The following SCUBE1 variants were observed in gnomAD, a reference collection of about 807,000 sequenced individuals.
SCUBE1 encodes signal peptide, CUB and EGF-like domain-containing protein 1.
Under a neutral mutation model 124.4 loss-of-function variants are expected in SCUBE1, and 59 were observed. That is an observed-to-expected ratio of 0.47 (90% CI 0.38 to 0.59). The LOEUF (loss-of-function observed/expected upper bound fraction) is 0.59. Ranked by LOEUF, SCUBE1 falls within the 20% of genes least tolerant of loss-of-function variation. The pLI, the probability that SCUBE1 is intolerant of heterozygous loss-of-function variation, is 0.00. For synonymous variants in SCUBE1, 545 were observed against 550.9 expected (o/e 0.99, Z 0.15); for missense variants, 1,150 against 1,371.2 (o/e 0.84, Z 2.55).
rs1921699226 is a variant in SCUBE1 at position 43,214,099 on chromosome 22, C to G, written c.2044G>C (p.Glu682Gln). 7.2e-7 allele frequency: 1 copy of G among 1,395,458 alleles called. No individual in the cohort carries two copies. Among genetic ancestry groups the G allele is most frequent in the South Asian group, 1.1e-5 (1 of 87,104 alleles). The allele number at this position is 1,395,458 out of a possible 1,614,324, so 86.4% of individuals were successfully genotyped here. ...CTAGGCCCGCACTTGCCTCCACATTCCGACACGTTGCGGGCACCAGGCAGA... is the reference window on the plus strand; with the variant it reads ...CTAGGCCCGCACTTGCCTCCACATTGCGACACGTTGCGGGCACCAGGCAGA... ...LGLPGARNVS[E>Q]CGGQCSPGFF... Residue 682 changes from glutamate to glutamine, a missense_variant, in exon 16 of 22, where the codon GAA (glutamate) becomes CAA (glutamine). By Grantham distance (29) the Glu-to-Gln change is conservative. This residue lies in a region of SCUBE1 where 757 missense variants were observed against 840.9 expected (regional missense o/e 0.90). Coordinates refer to ENST00000360835, the MANE Select transcript of SCUBE1 (RefSeq NM_173050.5).
In SCUBE1 at chr22:43,327,156, G is replaced by A. The variant is rs560975261; in HGVS notation, c.221-7091C>T. Among the ~76,000 whole-genome samples, 11 of 152,208 alleles carry A rather than the reference G, an allele frequency of 7.2e-5. No homozygotes were observed. The South Asian group carries it at 2.3e-3, about 32-fold the overall frequency. On this transcript the variant is annotated intron_variant, in intron 2 of 21. Coordinates refer to ENST00000360835, the MANE Select transcript of SCUBE1 (RefSeq NM_173050.5). Reference sequence around the variant, plus strand: ...TCATGACATGTCAGGCAGTCTGCAGGCCCCACACACAGGACTGCCCTGAGA... The same window carrying A: ...TCATGACATGTCAGGCAGTCTGCAGACCCCACACACAGGACTGCCCTGAGA...
chr22:43,210,818 G>A lies in SCUBE1; in HGVS notation c.2383+104C>T, dbSNP rs1921514638. 4.6e-5 allele frequency: 63 copies of A among 1,367,374 alleles called. No individual in the cohort carries two copies. In the South Asian group the frequency reaches 8.1e-4, roughly 18 times the overall value. The allele number at this position is 1,367,374 out of a possible 1,614,324, so 84.7% of individuals were successfully genotyped here. ...GACGGGACGGAGCGGGAGGAGTCCAGTGTCCTCGTGGAGCTCGTGTGAGAT... is the reference window on the plus strand; with the variant it reads ...GACGGGACGGAGCGGGAGGAGTCCAATGTCCTCGTGGAGCTCGTGTGAGAT... On this transcript the variant is annotated intron_variant, in intron 18 of 21. Transcript: ENST00000360835. The surrounding 1 kb of genome is among the most constrained non-coding windows in gnomAD (Gnocchi z 4.5).
intron 4 of SCUBE1, chr22:43,276,095 T>G (rs1924503407): frequency 6.6e-6 from 1 of 152,540 alleles, no homozygotes; most frequent in Non-Finnish European, 1.5e-5. Context: ...ACCCCAGCGC[T>G]GGTGCCCCAC....
At chr22:43,239,461 C>T (rs1313328524) in intron 6 of SCUBE1, among the ~76,000 whole-genome samples, 1 of 152,294 alleles carries the variant, frequency 6.6e-6, no homozygotes, top group African/African-American at 2.4e-5. Context: ...ACACACCATC[C>T]ATCACCTTGA....
Position 43,233,822 on chromosome 22 carries a change from C to A in SCUBE1, c.845-1947G>T, listed in dbSNP as rs1264568805. On this transcript the variant is annotated intron_variant, in intron 7 of 21. Transcript: ENST00000360835. ...ATCCCCCAGTGATGACAAAACCAGG[C>A]TATTAGAGGTCAATTTCTGGTCAAG... is the stretch of plus-strand genomic sequence containing the variant. Among the ~76,000 whole-genome samples, 6 of 152,126 alleles carry A rather than the reference C, an allele frequency of 3.9e-5. No individual in the cohort carries two copies. The East Asian group carries it at 1.2e-3, about 29-fold the overall frequency.
chr22:43,339,668 T>C (rs13055042), intron 1 of SCUBE1, among the ~76,000 whole-genome samples: 36,383 of 56,852 alleles, frequency 0.64, 10,154 homozygotes, highest in African/African-American at 0.77. Context: ...CCCTCCCCCA[T>C]TCTCCTCACT....
chr22:43,256,755 G>A (rs1461409877), intron 6 of SCUBE1, among the ~76,000 whole-genome samples: 5 of 152,336 alleles, frequency 3.3e-5, no homozygotes, highest in African/African-American at 7.2e-5. Flanking sequence ...CAAACCCTGC[G>A]GAAGACCTTG....
Position 43,295,975 on chromosome 22 carries a change from C to T in SCUBE1, c.350-4795G>A, listed in dbSNP as rs192966983. ...CGGAGGTGTTCTGAAAGCAAAGGCT[C>T]ATGGAAGGGGCAGGGCAGGGCCCAG... On this transcript the variant is annotated intron_variant, in intron 3 of 21. Coordinates refer to ENST00000360835, the MANE Select transcript of SCUBE1 (RefSeq NM_173050.5). 1.5e-4 allele frequency among the ~76,000 whole-genome samples: 22 copies of T among 151,432 alleles called. 1 individual carries two copies. The East Asian group carries it at 3.7e-3, about 25-fold the overall frequency.
intron 3 of SCUBE1, among the ~76,000 whole-genome samples, chr22:43,299,649 G>C (rs141649519): frequency 4.6e-5 from 7 of 152,222 alleles, no homozygotes; most frequent in African/African-American, 1.7e-4. Flanking sequence ...AGAACTCATG[G>C]AGCACACAAT....
chr22:43,281,413 A>G lies in SCUBE1; in HGVS notation c.484+9633T>C, dbSNP rs1198702122. On this transcript the variant is annotated intron_variant, in intron 4 of 21. Transcript: ENST00000360835. ...CCTCAGCTATCCTGTCACCTCCCTC[A>G]GCCATCCTCCTGTCACCTCCCTTGG... Among the ~76,000 whole-genome samples, 2 of 60,006 alleles carry G rather than the reference A, an allele frequency of 3.3e-5. 1 individual carries two copies. The highest frequency in any genetic ancestry group is 5.3e-5 in the Non-Finnish European group (2 of 37,828). 39.4% of individuals were successfully genotyped at this position (60,006 alleles called of 152,430 possible).
intron 4 of SCUBE1, chr22:43,270,326 C>G (rs985581554): frequency 6.6e-6 from 1 of 152,236 alleles, no homozygotes; most frequent in East Asian, 1.9e-4. Flanking sequence ...CACTTCTGGT[C>G]CCAAGCATTT....
In SCUBE1 at chr22:43,203,229, G is replaced by A. The variant is rs1397663870; in HGVS notation, c.*768C>T. 1 of 152,156 alleles carries A rather than the reference G, an allele frequency of 6.6e-6. No individual in the cohort carries two copies. Among genetic ancestry groups the A allele is most frequent in the Non-Finnish European group, 1.5e-5 (1 of 68,058 alleles). 9.4% of individuals were successfully genotyped at this position (152,156 alleles called of 1,614,324 possible). On this transcript the variant is annotated 3_prime_UTR_variant, in exon 22 of 22. Coordinates refer to ENST00000360835, the MANE Select transcript of SCUBE1 (RefSeq NM_173050.5). The stretch of plus-strand genomic sequence containing the variant: ...ACAGAAGGGCAAATGCAAATGCTGG[G>A]AGGAGCTGTTTAATCGTTCAGGGAG...
intron 3 of SCUBE1, among the ~76,000 whole-genome samples, chr22:43,319,450 C>G (rs1054728053): frequency 1.3e-5 from 2 of 148,494 alleles, no homozygotes; most frequent in African/African-American, 5.0e-5. Flanking sequence ...GTAATCCCAG[C>G]TACTTGGGAG....
In SCUBE1 at chr22:43,238,881, G is replaced by A. The variant is rs747646259; in HGVS notation, c.801C>T (p.Cys267=). The A allele has an allele frequency of 6.2e-7, 1 of 1,613,240 alleles. No homozygotes were observed. The highest frequency in any genetic ancestry group is 2.2e-5 in the East Asian group (1 of 44,886). The part of the protein sequence containing the change: ...KDTATGVRCS[C]PVGFTLQPDG... ...CCGGCTGCAGTGTGAATCCAACGGGGCAGCTGCATCGCACGCCAGTGGCTG... is the reference window on the plus strand; with the variant it reads ...CCGGCTGCAGTGTGAATCCAACGGGACAGCTGCATCGCACGCCAGTGGCTG... Residue 267 remains cysteine, a synonymous_variant, in exon 7 of 22, where the codon TGC becomes TGT. Coordinates refer to ENST00000360835, the MANE Select transcript of SCUBE1 (RefSeq NM_173050.5).
intron 10 of SCUBE1, among the ~76,000 whole-genome samples, chr22:43,224,465 T>C (rs948304712): frequency 2.6e-5 from 4 of 152,206 alleles, no homozygotes; most frequent in Non-Finnish European, 5.9e-5. Context: ...ACTTGTCTTG[T>C]GTTTGATGGA....
intron 4 of SCUBE1, among the ~76,000 whole-genome samples, chr22:43,268,122 C>G (rs887044589): frequency 1.3e-5 from 2 of 152,230 alleles, no homozygotes; most frequent in African/African-American, 4.8e-5. Flanking sequence ...TCCACCGATG[C>G]CAGCCTGTGA....
intron 2 of SCUBE1, among the ~76,000 whole-genome samples, chr22:43,320,985 T>C (rs1461611692): frequency 6.6e-6 from 1 of 152,026 alleles, no homozygotes; most frequent in Non-Finnish European, 1.5e-5. Flanking sequence ...GTCTTCAGCA[T>C]CCCCCTGAGA....
At chr22:43,281,509 T>TCCTCAGCCACCCTCCTGTCACCTCCC (rs1924877861) in intron 4 of SCUBE1, among the ~76,000 whole-genome samples, 1 of 50,316 alleles carries the variant, frequency 2.0e-5, no homozygotes, top group Non-Finnish European at 3.3e-5. Flanking sequence ...TGTCACCTCC[T>TCCTCAGCCACCCTCCTGTCACCTCCC]CCTCAGCCAC....
At chr22:43,212,684 C>T (rs7284854) in intron 16 of SCUBE1, 92 bp from the exon 17 acceptor site, 46,567 of 1,195,532 alleles carry the variant, frequency 0.039, 1,044 homozygotes, top group Admixed American at 0.11. Context: ...GGCCCTTGCC[C>T]GGCCCTGGAA....
Sources: gnomAD v4.1 joint callset for allele counts (sites outside exome capture counted in the v4.1 genomes callset) on GRCh38, gnomAD v4.1.1 for gene constraint, gnomAD v4.1.1 regional missense constraint, Gnocchi (gnomAD v3.1) non-coding constraint, MANE v1.5 for transcripts, NCBI Gene and HGNC (gene_info 2026-07-23, HGNC 2026-07-21) for gene names.